Variants in SLC12A9 observed in about 807,000 individuals in gnomAD.
The protein encoded by SLC12A9 is solute carrier family 12 member 9.
Under a neutral mutation model 66.0 loss-of-function variants are expected in SLC12A9, and 55 were observed. The ratio of observed to expected loss-of-function variants is 0.83; its 90% CI spans 0.67 to 1.04. The LOEUF (loss-of-function observed/expected upper bound fraction) is 1.04. Ranked by LOEUF, SLC12A9 falls within the 50% of genes least tolerant of loss-of-function variation. SLC12A9 has a pLI of 0.00. For synonymous variants in SLC12A9, 577 were observed against 569.0 expected, an observed-to-expected ratio of 1.01 and a Z score of -0.20; for missense variants, 1,061 against 1,241.9, an observed-to-expected ratio of 0.85 and a Z score of 2.19.
rs141518944 is a variant in SLC12A9 at position 100,828,607 on chromosome 7, G to A, written n.228+1560G>A. ...TGTGTCCGAGAGGGTGAGGGGTCCG[G>A]CTAGATCTCCAAATCGCCCTTCTCA... On this transcript the variant is annotated intron_variant and non_coding_transcript_variant, in intron 1 of 1. Transcript: ENST00000461016. Among the ~76,000 whole-genome samples, 27 of 150,988 alleles carry A rather than the reference G, an allele frequency of 1.8e-4. No individual in the cohort carries two copies. The East Asian group carries it at 5.1e-3, about 28-fold the overall frequency.
chr7:100,856,737 C>T (rs1814408638), intron 4 of SLC12A9, 131 bp from the exon 5 acceptor site: 2 of 937,022 alleles, frequency 2.1e-6, no homozygotes, highest in Non-Finnish European at 3.2e-6. Flanking sequence ...GTTTTAAACT[C>T]CTGGACTCAA....
At chr7:100,848,083 C>CA (rs36071720), upstream of SLC12A9, among the ~76,000 whole-genome samples, 10,600 of 43,304 alleles carry the variant, frequency 0.24, 1,704 homozygotes, top group Non-Finnish European at 0.39. Context: ...GACTCCATCT[C>CA]AAAAAAAAAA....
upstream of SLC12A9, chr7:100,852,438 C>G (rs1814122043): frequency 6.6e-6 from 1 of 152,330 alleles, no homozygotes; most frequent in South Asian, 2.1e-4. Flanking sequence ...CACACGCCCC[C>G]TTTAGTGGGG....
At chr7:100,856,187 A>G (rs146152975) in intron 4 of SLC12A9, 532 of 185,214 alleles carry the variant, frequency 2.9e-3, no homozygotes, top group African/African-American at 0.012. Context: ...TTTGGGTCAC[A>G]GTTGGGGCTG....
At chr7:100,845,430 A>G (rs1355420944) in intron 1 of SLC12A9, among the ~76,000 whole-genome samples, 3 of 151,948 alleles carry the variant, frequency 2.0e-5, no homozygotes, top group South Asian at 4.2e-4. Flanking sequence ...GCTCACTGCA[A>G]ACTCTACCTC....
At chr7:100,829,577 G>C (rs1235976490) in intron 1 of SLC12A9, among the ~76,000 whole-genome samples, 1 of 152,080 alleles carries the variant, frequency 6.6e-6, no homozygotes, top group Non-Finnish European at 1.5e-5. Context: ...AGGCAGACCA[G>C]GCTGGAGCTG....
At chr7:100,859,500 G>C (rs943934044) in intron 7 of SLC12A9, 1 of 366,174 alleles carries the variant, frequency 2.7e-6, no homozygotes, top group Non-Finnish European at 5.0e-6. Context: ...AGGATCGCTG[G>C]AGCCCAGGAG....
At chr7:100,845,971 C>T (rs1813902972) in intron 1 of SLC12A9, among the ~76,000 whole-genome samples, 2 of 152,184 alleles carry the variant, frequency 1.3e-5, no homozygotes, top group South Asian at 4.1e-4. Flanking sequence ...TGCTCTCTAT[C>T]AAAATAGATT....
chr7:100,834,947 C>G (rs1813619159), intron 1 of SLC12A9, among the ~76,000 whole-genome samples: 1 of 152,108 alleles, frequency 6.6e-6, no homozygotes, highest in Non-Finnish European at 1.5e-5. Context: ...AGGAGGATTG[C>G]TTGACCCCAG....
intron 13 of SLC12A9, among the ~76,000 whole-genome samples, chr7:100,863,837 A>T (rs1814911018): frequency 6.6e-6 from 1 of 152,214 alleles, no homozygotes; most frequent in Admixed American, 6.5e-5. Flanking sequence ...GACATTGCCC[A>T]GTTCAGTGTA....
At chr7:100,858,273 G>T (rs1276018707) in intron 5 of SLC12A9, 1 of 152,340 alleles carries the variant, frequency 6.6e-6, no homozygotes, top group African/African-American at 2.4e-5. Flanking sequence ...TTAGCCAGGC[G>T]TGGTGGCGGG....
intron 12 of SLC12A9, among the ~76,000 whole-genome samples, chr7:100,862,389 G>C (rs1814812513): frequency 6.6e-6 from 1 of 152,162 alleles, no homozygotes; most frequent in Non-Finnish European, 1.5e-5. Flanking sequence ...CTCCTGAGTA[G>C]CTGGGACTAC....
chr7:100,859,848 G>C, intron 7 of SLC12A9, 37 bp from the exon 8 acceptor site: 1 of 1,573,236 alleles, frequency 6.4e-7, no homozygotes, highest in Non-Finnish European at 8.7e-7. Context: ...ACCCCGTGAC[G>C]CATGATCATC....
chr7:100,853,802 C>G (rs1330805739), intron 1 of SLC12A9, among the ~76,000 whole-genome samples: 2 of 151,864 alleles, frequency 1.3e-5, no homozygotes, highest in East Asian at 1.9e-4. Flanking sequence ...GATGTCGGCT[C>G]ACTGCAACCT....
At chr7:100,849,800 C>T (rs1423454636), upstream of SLC12A9, among the ~76,000 whole-genome samples, 21 of 151,822 alleles carry the variant, frequency 1.4e-4, no homozygotes, top group Admixed American at 1.4e-3. Flanking sequence ...AGTTCTCTAC[C>T]TCACTGGATC....
At position 100,865,763 on chromosome 7, in the gene SLC12A9, G is replaced by A. The variant is rs142284905; in HGVS notation, c.1903G>A (p.Ala635Thr). The A allele has an allele frequency of 8.7e-6, 14 of 1,613,530 alleles. No homozygotes were observed. In the African/African-American group the frequency reaches 9.4e-5, roughly 11 times the overall value. ...NTLVLGFYDDAPPQDHFLTDP... is the reference protein window; with the variant it reads ...NTLVLGFYDDTPPQDHFLTDP... ...GTTGGTCCTAGGTTTCTACGATGACGCTCCACCGCAGGACCATTTCCTGAC... is the reference window on the plus strand; with the variant it reads ...GTTGGTCCTAGGTTTCTACGATGACACTCCACCGCAGGACCATTTCCTGAC... The change falls in exon 14 of 14, where the codon GCT (alanine) becomes ACT (threonine). Residue 635 changes from alanine (A) to threonine (T), a missense_variant. Physicochemically the swap from Ala to Thr is moderately conservative, Grantham distance 58. Transcript: ENST00000354161.
chr7:100,840,558 A>G (rs764113772), intron 1 of SLC12A9, among the ~76,000 whole-genome samples: 39 of 152,198 alleles, frequency 2.6e-4, no homozygotes, highest in South Asian at 4.1e-4. Flanking sequence ...GGCAGAGGCA[A>G]AGAAAGACCA....
Position 100,854,718 on chromosome 7 carries a change from G to A in SLC12A9, c.280G>A (p.Ala94Thr), listed in dbSNP as rs765318797. 47 of 1,613,882 alleles carry A rather than the reference G, an allele frequency of 2.9e-5. No homozygotes were observed. Among genetic ancestry groups the A allele is most frequent in the Non-Finnish European group, 3.7e-5 (44 of 1,180,006 alleles). ...ALTVLSVCAI[A>T]TNGAVQGGGA... ...CACCGTCCTCTCTGTCTGTGCCATC[G>A]CCACCAATGGAGCCGTGCAGGGGGG... Residue 94 changes from alanine to threonine, a missense_variant, in exon 3 of 14, where the codon GCC (alanine) becomes ACC (threonine). Transcript: ENST00000354161.
chr7:100,829,794 C>T (rs1475890281), intron 1 of SLC12A9, among the ~76,000 whole-genome samples: 4 of 152,116 alleles, frequency 2.6e-5, no homozygotes, highest in Non-Finnish European at 4.4e-5. Context: ...TTTGGGAGGC[C>T]GAGGCGGGTG....
Sources: allele counts gnomAD v4.1 joint callset (sites outside exome capture counted in the v4.1 genomes callset), GRCh38; gene constraint gnomAD v4.1.1; transcripts MANE v1.5; gene names NCBI Gene and HGNC (gene_info 2026-07-23, HGNC 2026-07-21).